The following PPP2R2B variants were observed in gnomAD, a reference collection of about 807,000 sequenced individuals.
The protein encoded by PPP2R2B is serine/threonine-protein phosphatase 2A 55 kDa regulatory subunit B beta isoform.
In PPP2R2B, 5 loss-of-function variants were observed where a neutral mutation model predicts 46.0. The observed-to-expected ratio is 0.11, with a 90% CI of 0.06 to 0.23. The LOEUF (loss-of-function observed/expected upper bound fraction) is 0.23, where lower values mean the gene tolerates loss of function less well. PPP2R2B is among the 10% of genes least tolerant of loss of function. The probability of loss-of-function intolerance (pLI) is 1.00; values close to 1 mark genes in which losing one functional copy is unlikely to be tolerated. For missense variants in PPP2R2B, 367 were observed against 575.0 expected (o/e 0.64, Z 3.70); for synonymous variants, 215 against 206.7 (o/e 1.04, Z -0.34).
intron 2 of PPP2R2B, among the ~76,000 whole-genome samples, chr5:146,755,205 TTG>T (rs1753769397): frequency 1.3e-5 from 2 of 152,204 alleles, no homozygotes; most frequent in African/African-American, 4.8e-5. Context: ...GCTTCACCTG[TTG>T]TGTCTCTATT....
intron 2 of PPP2R2B, among the ~76,000 whole-genome samples, chr5:146,716,974 G>A (rs1023824762): frequency 6.6e-6 from 1 of 152,096 alleles, no homozygotes; most frequent in Non-Finnish European, 1.5e-5. Flanking sequence ...CAGTACCTAG[G>A]ATCTTATTCT....
intron 2 of PPP2R2B, among the ~76,000 whole-genome samples, chr5:146,805,799 A>T (rs1009376354): frequency 1.3e-5 from 2 of 152,114 alleles, no homozygotes; most frequent in Non-Finnish European, 2.9e-5. Flanking sequence ...TGTGTTTGCC[A>T]ACTGGGAGCT....
intron 7 of PPP2R2B, among the ~76,000 whole-genome samples, chr5:146,609,043 G>A (rs995570307): frequency 6.6e-6 from 1 of 151,970 alleles, no homozygotes; most frequent in African/African-American, 2.4e-5. Context: ...CTAGCAAACC[G>A]AATTCAACAA....
At chr5:146,929,664 A>C (rs1763902543) in intron 1 of PPP2R2B, among the ~76,000 whole-genome samples, 1 of 152,190 alleles carries the variant, frequency 6.6e-6, no homozygotes, top group Admixed American at 6.5e-5. Context: ...TATTTAAAAA[A>C]AGAATTCAAC....
At position 146,589,917 on chromosome 5, in the gene PPP2R2B, T is replaced by A. The variant is rs1315208881; in HGVS notation, c.*30A>T. On this transcript the variant is annotated 3_prime_UTR_variant, in exon 10 of 10. Transcript: ENST00000394411. ...AAACTTGTTTGACTAGTATTCAGTA[T>A]GTGAGATTATTAAGTAATAACTTGT... 1.9e-6 allele frequency: 3 copies of A among 1,597,664 alleles called. No homozygotes were observed. Among genetic ancestry groups the A allele is most frequent in the Non-Finnish European group, 2.6e-6 (3 of 1,166,468 alleles).
chr5:146,984,994 T>C (rs1386216021), intron 1 of PPP2R2B, among the ~76,000 whole-genome samples: 1 of 151,506 alleles, frequency 6.6e-6, no homozygotes, highest in Admixed American at 6.6e-5. Flanking sequence ...ATCAGATGTA[T>C]AGTTTGCAAA....
chr5:146,590,280 G>T, intron 9 of PPP2R2B, 54 bp from the exon 10 acceptor site: 1 of 1,479,662 alleles, frequency 6.8e-7, no homozygotes, highest in Non-Finnish European at 9.1e-7. Context: ...TTTCTTTTTG[G>T]AGCAAATGAT....
chr5:146,826,916 T>C (rs1758617002), intron 2 of PPP2R2B, among the ~76,000 whole-genome samples: 2 of 152,214 alleles, frequency 1.3e-5, no homozygotes, highest in East Asian at 3.8e-4. Flanking sequence ...ATCTAACTTA[T>C]ATTAATTGGC....
chr5:147,047,562 T>G (rs1055804102), intron 1 of PPP2R2B, among the ~76,000 whole-genome samples: 2 of 152,122 alleles, frequency 1.3e-5, no homozygotes, highest in Admixed American at 1.3e-4. Context: ...TTGCACTGGG[T>G]AATACACTAT....
chr5:146,933,220 G>A (rs1764024588), intron 1 of PPP2R2B, among the ~76,000 whole-genome samples: 1 of 152,044 alleles, frequency 6.6e-6, no homozygotes, highest in East Asian at 1.9e-4. Flanking sequence ...GAATTTTTTG[G>A]TTGTAAAGTT....
chr5:147,002,365 A>T (rs1452044090), intron 1 of PPP2R2B, among the ~76,000 whole-genome samples: 2 of 152,160 alleles, frequency 1.3e-5, no homozygotes, highest in Admixed American at 1.3e-4. Flanking sequence ...TTCTGTTCAT[A>T]TAAGTGAGGA....
At chr5:146,830,495 G>C (rs1275289384) in intron 2 of PPP2R2B, among the ~76,000 whole-genome samples, 1 of 150,600 alleles carries the variant, frequency 6.6e-6, no homozygotes, top group Non-Finnish European at 1.5e-5. Flanking sequence ...GTATCACATA[G>C]TATTTTTAAC....
At chr5:146,781,130 TGATATATATATATA>T (rs1442428913) in intron 2 of PPP2R2B, among the ~76,000 whole-genome samples, 3 of 30,014 alleles carry the variant, frequency 1.0e-4, no homozygotes, top group Non-Finnish European at 2.1e-4. Flanking sequence ...AATGCCACCA[TGATATATATATATA>T]TATATATATA....
intron 2 of PPP2R2B, among the ~76,000 whole-genome samples, chr5:146,722,894 C>T (rs1305545074): frequency 2.6e-5 from 4 of 152,170 alleles, no homozygotes; most frequent in Non-Finnish European, 4.4e-5. Flanking sequence ...TGACTTCTCT[C>T]TTGTCTACTG....
intron 5 of PPP2R2B, among the ~76,000 whole-genome samples, chr5:146,666,817 T>C (rs138888236): frequency 1.5e-4 from 23 of 152,364 alleles, no homozygotes; most frequent in Non-Finnish European, 2.2e-4. Flanking sequence ...TGTTTCTGTA[T>C]GTTAAAACAG....
chr5:146,625,677 T>G (rs1406889037), intron 7 of PPP2R2B, among the ~76,000 whole-genome samples: 2 of 152,078 alleles, frequency 1.3e-5, no homozygotes, highest in African/African-American at 2.4e-5. Context: ...CTGAAGAATG[T>G]GTAGGCAGAA....
intron 2 of PPP2R2B, among the ~76,000 whole-genome samples, chr5:146,806,767 G>A (rs888309240): frequency 6.6e-6 from 1 of 152,166 alleles, no homozygotes; most frequent in African/African-American, 2.4e-5. Context: ...TTTTATCCTT[G>A]GCTGACAAAT....
At chr5:146,746,349 C>T (rs1354707367) in intron 2 of PPP2R2B, among the ~76,000 whole-genome samples, 1 of 149,316 alleles carries the variant, frequency 6.7e-6, no homozygotes, top group Non-Finnish European at 1.5e-5. Flanking sequence ...TCTGTATTAA[C>T]TTTGACTTTG....
chr5:146,617,560 G>A (rs1010126278), intron 7 of PPP2R2B, among the ~76,000 whole-genome samples: 8 of 152,192 alleles, frequency 5.3e-5, no homozygotes, highest in Non-Finnish European at 1.2e-4. Context: ...TGAGTACCCA[G>A]TGTGTGTAAA....
Sources: gnomAD v4.1 joint callset for allele counts (sites outside exome capture counted in the v4.1 genomes callset) on GRCh38, gnomAD v4.1.1 for gene constraint, MANE v1.5 for transcripts, NCBI Gene and HGNC (gene_info 2026-07-23, HGNC 2026-07-21) for gene names.